The following SDHAF3 variants were observed in gnomAD, a reference collection of about 807,000 sequenced individuals.
SDHAF3 encodes succinate dehydrogenase assembly factor 3, mitochondrial.
Under a neutral mutation model 11.5 loss-of-function variants are expected in SDHAF3, and 18 were observed. The observed-to-expected ratio is 1.56, with a 90% CI of 1.08 to 2.32. The LOEUF (loss-of-function observed/expected upper bound fraction) is 2.32, where lower values mean the gene tolerates loss of function less well. Ranked by LOEUF, SDHAF3 falls within the 30% of genes most tolerant of loss-of-function variation. The pLI is 0.00. For missense variants in SDHAF3, 200 were observed against 154.4 expected, an observed-to-expected ratio of 1.30 and a Z score of -1.57; for synonymous variants, 72 against 59.3, an observed-to-expected ratio of 1.21 and a Z score of -0.99.
rs1360315420 is a variant in SDHAF3 at position 97,155,828 on chromosome 7, T to C, written c.175-25184T>C. 2.0e-5 allele frequency among the ~76,000 whole-genome samples: 3 copies of C among 152,072 alleles called. No individual in the cohort carries two copies. In the East Asian group the frequency reaches 5.8e-4, roughly 29 times the overall value. ...TTTATATATATTATAAATTCTGAACTGTCTTACAATTAGCTAATATCCGAA... is the reference window on the plus strand; with the variant it reads ...TTTATATATATTATAAATTCTGAACCGTCTTACAATTAGCTAATATCCGAA... On this transcript the variant is annotated intron_variant, in intron 1 of 1. Coordinates refer to ENST00000432641, the MANE Select transcript of SDHAF3 (RefSeq NM_020186.3).
intron 1 of SDHAF3, among the ~76,000 whole-genome samples, chr7:97,131,322 A>G (rs1196518023): frequency 1.3e-5 from 2 of 152,222 alleles, no homozygotes; most frequent in Non-Finnish European, 2.9e-5. Context: ...CTAGCACAAT[A>G]TCTTGTAAAT....
intron 1 of SDHAF3, among the ~76,000 whole-genome samples, chr7:97,173,876 C>T (rs913510656): frequency 6.6e-6 from 1 of 150,986 alleles, no homozygotes; most frequent in African/African-American, 2.4e-5. Flanking sequence ...TACCAAACAT[C>T]CAGTCAGTTT....
chr7:97,175,272 TTTTAG>T (rs1789663708), intron 1 of SDHAF3, among the ~76,000 whole-genome samples: 1 of 152,226 alleles, frequency 6.6e-6, no homozygotes, highest in Non-Finnish European at 1.5e-5. Flanking sequence ...ACTGACACTT[TTTTAG>T]ATTTTAATTT....
chr7:97,140,237 C>T (rs1789009128), intron 1 of SDHAF3, among the ~76,000 whole-genome samples: 1 of 151,970 alleles, frequency 6.6e-6, no homozygotes, highest in Non-Finnish European at 1.5e-5. Flanking sequence ...TCTTTCAAAA[C>T]AACCTTCATA....
chr7:97,152,776 A>C (rs1789245018), intron 1 of SDHAF3, among the ~76,000 whole-genome samples: 1 of 152,156 alleles, frequency 6.6e-6, no homozygotes, highest in Non-Finnish European at 1.5e-5. Flanking sequence ...CAGCCTCCTG[A>C]GTAGCTGGGA....
chr7:97,146,943 G>A (rs370884801), intron 1 of SDHAF3, among the ~76,000 whole-genome samples: 8 of 152,062 alleles, frequency 5.3e-5, no homozygotes, highest in South Asian at 2.1e-4. Flanking sequence ...GGGTTTCACC[G>A]TGTTAGCCAG....
intron 1 of SDHAF3, among the ~76,000 whole-genome samples, chr7:97,159,332 T>A (rs1397199668): frequency 6.6e-6 from 1 of 152,208 alleles, no homozygotes; most frequent in Non-Finnish European, 1.5e-5. Flanking sequence ...CCTTTTAGAT[T>A]TCCAGAAATA....
chr7:97,157,863 GA>G (rs1213106513), intron 1 of SDHAF3, among the ~76,000 whole-genome samples: 1 of 148,306 alleles, frequency 6.7e-6, no homozygotes, highest in Non-Finnish European at 1.5e-5. Flanking sequence ...CTATCCCAAG[GA>G]CAAAAAACCA....
At chr7:97,172,750 C>T (rs1390589949) in intron 1 of SDHAF3, among the ~76,000 whole-genome samples, 1 of 152,168 alleles carries the variant, frequency 6.6e-6, no homozygotes, top group African/African-American at 2.4e-5. Flanking sequence ...GAGGAAATTA[C>T]TGTGAAACCT....
At chr7:97,152,710 C>T (rs868797035) in intron 1 of SDHAF3, among the ~76,000 whole-genome samples, 4 of 152,220 alleles carry the variant, frequency 2.6e-5, no homozygotes, top group Admixed American at 6.5e-5. Flanking sequence ...ATTGCAATGG[C>T]GCAATCTCAG....
At chr7:97,176,039 G>A (rs1400266398) in intron 1 of SDHAF3, among the ~76,000 whole-genome samples, 1 of 152,124 alleles carries the variant, frequency 6.6e-6, no homozygotes, top group Non-Finnish European at 1.5e-5. Flanking sequence ...TCCTCTGTAT[G>A]CCTAATTTAT....
chr7:97,160,311 G>C (rs1417430763), intron 1 of SDHAF3, among the ~76,000 whole-genome samples: 1 of 151,200 alleles, frequency 6.6e-6, no homozygotes, highest in Non-Finnish European at 1.5e-5. Flanking sequence ...TCTGGGAAGT[G>C]AGGAGCGCCT....
rs185853382 is a variant in SDHAF3 at position 97,177,653 on chromosome 7, T to G, written c.175-3359T>G. 7.2e-4 allele frequency among the ~76,000 whole-genome samples: 110 copies of G among 152,366 alleles called. 1 individual carries two copies. The East Asian group carries it at 0.018, about 25-fold the overall frequency. Reference sequence around the variant, plus strand: ...ATTTTTTAAATAGTTTTGTTCTGTTTAAAACTGGATAATTTCTATTGCTGT... The same window carrying G: ...ATTTTTTAAATAGTTTTGTTCTGTTGAAAACTGGATAATTTCTATTGCTGT... On this transcript the variant is annotated intron_variant, in intron 1 of 1. Coordinates refer to ENST00000432641, the MANE Select transcript of SDHAF3 (RefSeq NM_020186.3).
chr7:97,151,530 C>T (rs1255523678), intron 1 of SDHAF3, among the ~76,000 whole-genome samples: 4 of 150,058 alleles, frequency 2.7e-5, no homozygotes, highest in African/African-American at 9.8e-5. Flanking sequence ...TTGGAGTCTC[C>T]CTCTGTCCCC....
chr7:97,167,346 T>G (rs1308402341), intron 1 of SDHAF3, among the ~76,000 whole-genome samples: 1 of 152,242 alleles, frequency 6.6e-6, no homozygotes, highest in African/African-American at 2.4e-5. Context: ...GCTATGATTG[T>G]ACATTTCCTG....
At chr7:97,129,810 T>C (rs971914031) in intron 1 of SDHAF3, among the ~76,000 whole-genome samples, 1 of 152,096 alleles carries the variant, frequency 6.6e-6, no homozygotes. Flanking sequence ...CTGGATCCCA[T>C]GTCTGCTGAG....
chr7:97,170,276 C>T (rs1030233080), intron 1 of SDHAF3, among the ~76,000 whole-genome samples: 2 of 152,062 alleles, frequency 1.3e-5, no homozygotes, highest in African/African-American at 2.4e-5. Flanking sequence ...TCACTGTATT[C>T]TAATATTACT....
At chr7:97,158,303 C>A (rs1382054101) in intron 1 of SDHAF3, among the ~76,000 whole-genome samples, 1 of 152,096 alleles carries the variant, frequency 6.6e-6, no homozygotes, top group East Asian at 1.9e-4. Context: ...TTCTTCTGAT[C>A]CTATAAACAT....
chr7:97,133,708 A>T (rs1041370354), intron 1 of SDHAF3, among the ~76,000 whole-genome samples: 15 of 152,176 alleles, frequency 9.9e-5, no homozygotes, highest in Non-Finnish European at 1.9e-4. Flanking sequence ...TAATTAGCTT[A>T]ACCCTAGAGG....
Sources: allele counts gnomAD v4.1 joint callset (sites outside exome capture counted in the v4.1 genomes callset), GRCh38; gene constraint gnomAD v4.1.1; transcripts MANE v1.5; gene names NCBI Gene and HGNC (gene_info 2026-07-23, HGNC 2026-07-21).